Variants in PCDHGC3 observed in about 807,000 individuals in gnomAD.
PCDHGC3 encodes protocadherin gamma subfamily C, 3.
In PCDHGC3, 26 loss-of-function variants were observed where a neutral mutation model predicts 59.2. The ratio of observed to expected loss-of-function variants is 0.44; its 90% CI spans 0.32 to 0.61. The LOEUF is 0.61. Among genes scored for constraint, PCDHGC3 ranks in the 20% least tolerant of loss-of-function variants. The probability of loss-of-function intolerance (pLI) is 0.05; values close to 1 mark genes in which losing one functional copy is unlikely to be tolerated. For synonymous variants in PCDHGC3, 487 were observed against 519.7 expected, an observed-to-expected ratio of 0.94 and a Z score of 0.86; for missense variants, 1,080 against 1,221.8, an observed-to-expected ratio of 0.88 and a Z score of 1.73.
At position 141,486,059 on chromosome 5, in the gene PCDHGC3, C is replaced by T. The variant is rs141349392; in HGVS notation, c.2430+7513C>T. ...TCGTGTAAGAAACCTCTTTAGCCTG[C>T]ACCCCACTACTGGAAAGCTTACTCT... On this transcript the variant is annotated intron_variant, in intron 1 of 3. Transcript: ENST00000308177. The surrounding 1 kb of genome is among the most constrained non-coding windows in gnomAD (Gnocchi z 5.0). The T allele has an allele frequency of 9.0e-5, 146 of 1,614,034 alleles. No individual in the cohort carries two copies. The highest frequency in any genetic ancestry group is 1.2e-4 in the Non-Finnish European group (138 of 1,180,018).
chr5:141,492,546 G>A (rs2154587552), intron 1 of PCDHGC3, among the ~76,000 whole-genome samples: 1 of 152,336 alleles, frequency 6.6e-6, no homozygotes, highest in East Asian at 1.9e-4. Flanking sequence ...GCTGGGCCGG[G>A]TCGCCTGGGG....
Position 141,511,409 on chromosome 5 carries a change from G to C in PCDHGC3, c.*236G>C, listed in dbSNP as rs999907393. On this transcript the variant is annotated 3_prime_UTR_variant, in exon 4 of 4. Coordinates refer to ENST00000308177, the MANE Select transcript of PCDHGC3 (RefSeq NM_002588.4). Reference sequence around the variant, plus strand: ...GGGAACCCCCATCCAATCAACTGCTGTACCCATGGGGGTAGTGGGGTTACT... The same window carrying C: ...GGGAACCCCCATCCAATCAACTGCTCTACCCATGGGGGTAGTGGGGTTACT... The C allele has an allele frequency of 1.1e-6, 1 of 908,516 alleles. No homozygotes were observed. The highest frequency in any genetic ancestry group is 1.7e-5 in the African/African-American group (1 of 59,504). The allele number at this position is 908,516 out of a possible 1,614,324, so 56.3% of individuals were successfully genotyped here.
Position 141,491,208 on chromosome 5 carries a change from C to A in PCDHGC3, c.2431-3599C>A. ...TGAGGGACAATGGTGACCCTTCACT[C>A]TCCTCCACAGCCACAGTGCTGCTGG... On this transcript the variant is annotated intron_variant, in intron 1 of 3. Coordinates refer to ENST00000308177, the MANE Select transcript of PCDHGC3 (RefSeq NM_002588.4). The surrounding 1 kb of genome is among the most constrained non-coding windows in gnomAD (Gnocchi z 6.9). The A allele has an allele frequency of 6.2e-7, 1 of 1,614,204 alleles. No homozygotes were observed. Among genetic ancestry groups the A allele is most frequent in the African/African-American group, 1.3e-5 (1 of 75,058 alleles).
intron 2 of PCDHGC3, among the ~76,000 whole-genome samples, chr5:141,501,868 C>G (rs1016056445): frequency 1.3e-5 from 2 of 152,120 alleles, no homozygotes; most frequent in African/African-American, 2.4e-5. Flanking sequence ...TCCCAGGACG[C>G]CTCCTTACAC....
Position 141,491,913 on chromosome 5 carries a change from T to C in PCDHGC3, c.2431-2894T>C, listed in dbSNP as rs2099735120. 2.1e-6 allele frequency: 3 copies of C among 1,398,206 alleles called. No homozygotes were observed. Among genetic ancestry groups the C allele is most frequent in the Non-Finnish European group, 2.9e-6 (3 of 1,051,918 alleles). The allele number at this position is 1,398,206 out of a possible 1,614,324, so 86.6% of individuals were successfully genotyped here. On this transcript the variant is annotated intron_variant, in intron 1 of 3. Coordinates refer to ENST00000308177, the MANE Select transcript of PCDHGC3 (RefSeq NM_002588.4). The surrounding 1 kb of genome is among the most constrained non-coding windows in gnomAD (Gnocchi z 6.9). ...TCCGAGCACCGGGGGTGGTGGCGAC[T>C]GTGGGCGAGGGGAGGTGGGACCGAC... is the stretch of plus-strand genomic sequence containing the variant.
intron 3 of PCDHGC3, among the ~76,000 whole-genome samples, chr5:141,507,518 A>T (rs1323767789): frequency 6.6e-6 from 1 of 152,132 alleles, no homozygotes; most frequent in African/African-American, 2.4e-5. Flanking sequence ...TGGGGCTATG[A>T]TTCCAGAGAG....
chr5:141,480,914 G>A (rs959577133), intron 1 of PCDHGC3, among the ~76,000 whole-genome samples: 18 of 151,978 alleles, frequency 1.2e-4, no homozygotes, highest in South Asian at 4.2e-4. Flanking sequence ...GCATGGTGGC[G>A]CATACCTGTA....
Position 141,490,618 on chromosome 5 carries a change from A to C in PCDHGC3, c.2431-4189A>C. The C allele has an allele frequency of 6.2e-7, 1 of 1,614,104 alleles. No homozygotes were observed. Among genetic ancestry groups the C allele is most frequent in the South Asian group, 1.1e-5 (1 of 91,080 alleles). ...ACCCCGCTTCAACCAGCAGCTTTAC[A>C]CTGCTTACATCCTAGAAAACCGGCC... On this transcript the variant is annotated intron_variant, in intron 1 of 3. Coordinates refer to ENST00000308177, the MANE Select transcript of PCDHGC3 (RefSeq NM_002588.4). This position sits in a 1 kb window ranked among gnomAD's most constrained non-coding sequence, Gnocchi z 5.4.
chr5:141,500,574 G>A (rs2099801457), intron 2 of PCDHGC3, among the ~76,000 whole-genome samples: 1 of 152,164 alleles, frequency 6.6e-6, no homozygotes, highest in African/African-American at 2.4e-5. Context: ...ACACTTTCAT[G>A]TGACACTTTA....
chr5:141,499,089 A>G (rs1417307590), intron 2 of PCDHGC3, among the ~76,000 whole-genome samples: 2 of 152,116 alleles, frequency 1.3e-5, no homozygotes, highest in Non-Finnish European at 1.5e-5. Context: ...CCTGCTTGGC[A>G]CATGCTTCTC....
intron 3 of PCDHGC3, 94 bp downstream of exon 3, chr5:141,505,575 C>T: frequency 6.3e-7 from 1 of 1,592,302 alleles, no homozygotes. Context: ...GATGTCAAAC[C>T]TGTGTAGTTT....
Position 141,476,878 on chromosome 5 carries a change from G to A in PCDHGC3, c.762G>A (p.Leu254=). 2 of 1,613,960 alleles carry A rather than the reference G, an allele frequency of 1.2e-6. No homozygotes were observed. The highest frequency in any genetic ancestry group is 1.7e-6 in the Non-Finnish European group (2 of 1,180,034). Reference sequence around the variant, plus strand: ...AGTCCTTGTACCGGGCGCGCGTCCTGGAGGATGCACCCTCCGGCACGCGCG... The same window carrying A: ...AGTCCTTGTACCGGGCGCGCGTCCTAGAGGATGCACCCTCCGGCACGCGCG... ...FNQSLYRARV[L]EDAPSGTRVV... is the part of the protein sequence containing the mutation. The change falls in exon 1 of 4, where the codon CTG becomes CTA. Residue 254 remains leucine, a synonymous_variant. Transcript: ENST00000308177. This position sits in a 1 kb window ranked among gnomAD's most constrained non-coding sequence, Gnocchi z 7.6.
intron 2 of PCDHGC3, among the ~76,000 whole-genome samples, chr5:141,500,928 G>A (rs2099803943): frequency 6.6e-6 from 1 of 151,476 alleles, no homozygotes; most frequent in African/African-American, 2.4e-5. Context: ...GGGTGCAGTG[G>A]CGCCATCTCG....
At position 141,491,952 on chromosome 5, in the gene PCDHGC3, C is replaced by A; in HGVS notation, c.2431-2855C>A. 9.4e-7 allele frequency: 1 copy of A among 1,062,954 alleles called. No homozygotes were observed. The allele number at this position is 1,062,954 out of a possible 1,614,324, so 65.8% of individuals were successfully genotyped here. On this transcript the variant is annotated intron_variant, in intron 1 of 3. Coordinates refer to ENST00000308177, the MANE Select transcript of PCDHGC3 (RefSeq NM_002588.4). The surrounding 1 kb of genome is among the most constrained non-coding windows in gnomAD (Gnocchi z 6.9). ...GGTGGGACCGACCCCCACCCCTACA[C>A]TCAAAAAAGGCCGGGGCCTCCTTCG...
Position 141,490,754 on chromosome 5 carries a change from CCTT to C in PCDHGC3, c.2431-4052_2431-4050del, listed in dbSNP as rs775582875. ...CAGGTTCAGGGAGCCCCAGCCTCCT[CCTT>C]TGTGTATGTCAACCCAGAGGATGGA... On this transcript the variant is annotated intron_variant, in intron 1 of 3. Transcript: ENST00000308177. The surrounding 1 kb of genome is among the most constrained non-coding windows in gnomAD (Gnocchi z 5.4). 3.1e-6 allele frequency: 5 copies of C among 1,614,200 alleles called. No individual in the cohort carries two copies. The highest frequency in any genetic ancestry group is 3.4e-6 in the Non-Finnish European group (4 of 1,180,038).
In PCDHGC3 at chr5:141,490,507, G is replaced by C; in HGVS notation, c.2431-4300G>C. 1 of 1,614,016 alleles carries C rather than the reference G, an allele frequency of 6.2e-7. No individual in the cohort carries two copies. Among genetic ancestry groups the C allele is most frequent in the Non-Finnish European group, 8.5e-7 (1 of 1,180,002 alleles). On this transcript the variant is annotated intron_variant, in intron 1 of 3. Transcript: ENST00000308177. The surrounding 1 kb of genome is among the most constrained non-coding windows in gnomAD (Gnocchi z 5.4). ...GGAGGCCACATCCCACTATATCATCGAGCTGCTGGCCAGCGATGCTGGTTC... is the reference window on the plus strand; with the variant it reads ...GGAGGCCACATCCCACTATATCATCCAGCTGCTGGCCAGCGATGCTGGTTC...
rs1481151067 is a variant in PCDHGC3, at chr5:141,477,223, T to A, written c.1107T>A (p.Thr369=). The change falls in exon 1 of 4, where the codon ACT becomes ACA. Residue 369 remains threonine, a synonymous_variant. Transcript: ENST00000308177. This position sits in a 1 kb window ranked among gnomAD's most constrained non-coding sequence, Gnocchi z 4.9. ...SPVPEDAPLG[T]VIALLSVTDL... is the part of the protein sequence containing the mutation. ...TACCCGAGGATGCCCCTCTGGGGAC[T>A]GTCATCGCTTTGCTCAGTGTGACTG... The A allele has an allele frequency of 6.2e-7, 1 of 1,614,198 alleles. No individual in the cohort carries two copies. The highest frequency in any genetic ancestry group is 1.1e-5 in the South Asian group (1 of 91,084).
rs1485167379 is a variant in PCDHGC3, at chr5:141,485,881, C to T, written c.2430+7335C>T. 5.0e-6 allele frequency: 8 copies of T among 1,613,984 alleles called. No homozygotes were observed. Among genetic ancestry groups the T allele is most frequent in the East Asian group, 2.2e-5 (1 of 44,880 alleles). On this transcript the variant is annotated intron_variant, in intron 1 of 3. Transcript: ENST00000308177. The surrounding 1 kb of genome is among the most constrained non-coding windows in gnomAD (Gnocchi z 5.7). ...TCCGGGTATCCGTGCTGGACGTAAACGACAACGCCCCAGCCTTCCAGCAAT... is the reference window on the plus strand; with the variant it reads ...TCCGGGTATCCGTGCTGGACGTAAATGACAACGCCCCAGCCTTCCAGCAAT...
rs765376157 is a variant in PCDHGC3 at position 141,486,033 on chromosome 5, A to G, written c.2430+7487A>G. 4.3e-6 allele frequency: 7 copies of G among 1,614,148 alleles called. No individual in the cohort carries two copies. The highest frequency in any genetic ancestry group is 5.9e-6 in the Non-Finnish European group (7 of 1,180,014). ...TTTTATTTCAGTGGTCATACCCCTG[A>G]TCGTGTAAGAAACCTCTTTAGCCTG... On this transcript the variant is annotated intron_variant, in intron 1 of 3. Transcript: ENST00000308177. This position sits in a 1 kb window ranked among gnomAD's most constrained non-coding sequence, Gnocchi z 5.0.
Sources: allele counts gnomAD v4.1 joint callset (sites outside exome capture counted in the v4.1 genomes callset), GRCh38; gene constraint gnomAD v4.1.1; non-coding constraint Gnocchi (gnomAD v3.1); transcripts MANE v1.5; gene names NCBI Gene and HGNC (gene_info 2026-07-23, HGNC 2026-07-21).